The following RNGTT variants were observed in gnomAD, a reference collection of about 807,000 sequenced individuals.
The protein encoded by RNGTT is RNA guanylyltransferase and 5'-phosphatase.
In RNGTT, 33 loss-of-function variants were observed where a neutral mutation model predicts 79.3. That is an observed-to-expected ratio of 0.42 (90% CI 0.32 to 0.56). The LOEUF (loss-of-function observed/expected upper bound fraction) is 0.56, where lower values mean the gene tolerates loss of function less well. RNGTT is among the 20% of genes least tolerant of loss of function. RNGTT has a pLI of 0.17. For missense variants in RNGTT, 497 were observed against 739.1 expected (o/e 0.67, Z 3.80); for synonymous variants, 222 against 235.9 (o/e 0.94, Z 0.54).
At chr6:88,885,697 T>A (rs1782833753) in intron 8 of RNGTT, among the ~76,000 whole-genome samples, 2 of 152,192 alleles carry the variant, frequency 1.3e-5, no homozygotes, top group South Asian at 4.1e-4. Context: ...GAAAAATAAC[T>A]TTATCATGGC....
intron 13 of RNGTT, among the ~76,000 whole-genome samples, chr6:88,688,405 C>G (rs1191791752): frequency 6.6e-6 from 1 of 152,102 alleles, no homozygotes; most frequent in Admixed American, 6.6e-5. Context: ...TGATACATTC[C>G]TAGCTCTGTC....
chr6:88,835,500 C>T (rs1435988874), intron 11 of RNGTT, among the ~76,000 whole-genome samples: 5 of 151,978 alleles, frequency 3.3e-5, no homozygotes, highest in African/African-American at 1.2e-4. Context: ...GAAAAATAGG[C>T]AATTAGACAA....
intron 2 of RNGTT, among the ~76,000 whole-genome samples, chr6:88,932,461 G>A (rs931800209): frequency 2.0e-5 from 3 of 151,954 alleles, no homozygotes; most frequent in South Asian, 2.1e-4. Context: ...CACCCTATTC[G>A]TACACTCCCT....
chr6:88,678,270 T>C (rs146368010), intron 14 of RNGTT, 83 bp downstream of exon 14: 26 of 1,537,658 alleles, frequency 1.7e-5, no homozygotes, highest in Middle Eastern at 1.7e-4. Context: ...TATTTTTATA[T>C]GTTGATTATT....
intron 14 of RNGTT, among the ~76,000 whole-genome samples, chr6:88,639,097 G>C (rs1032045644): frequency 6.6e-6 from 1 of 152,040 alleles, no homozygotes; most frequent in Admixed American, 6.5e-5. Flanking sequence ...TATTAGAACA[G>C]ACATTTGGTA....
intron 14 of RNGTT, among the ~76,000 whole-genome samples, chr6:88,669,169 A>G (rs1774532058): frequency 6.6e-6 from 1 of 152,120 alleles, no homozygotes; most frequent in Non-Finnish European, 1.5e-5. Flanking sequence ...CCAAGGGGAG[A>G]TCCACAAGCG....
At chr6:88,678,487 A>C in intron 13 of RNGTT, 68 bp from the exon 14 acceptor site, 8 of 977,426 alleles carry the variant, frequency 8.2e-6, no homozygotes, top group Non-Finnish European at 1.1e-5. Context: ...TAATTATCAA[A>C]ATTTGAATAA....
chr6:88,906,608 A>T (rs575206567), intron 4 of RNGTT, among the ~76,000 whole-genome samples, 168 bp from the exon 5 acceptor site: 1 of 152,342 alleles, frequency 6.6e-6, no homozygotes, highest in South Asian at 2.1e-4. Flanking sequence ...TGTCAGTTTG[A>T]ATTGCTTAGA....
At chr6:88,667,980 C>T (rs561650526) in intron 14 of RNGTT, among the ~76,000 whole-genome samples, 1 of 152,286 alleles carries the variant, frequency 6.6e-6, no homozygotes, top group African/African-American at 2.4e-5. Context: ...CATAGACCCC[C>T]TCCCATATTA....
chr6:88,844,305 G>A, intron 11 of RNGTT, 52 bp downstream of exon 11: 1 of 1,501,196 alleles, frequency 6.7e-7, no homozygotes, highest in Non-Finnish European at 9.1e-7. Flanking sequence ...CATCTTGTAA[G>A]CTGAATTATG....
chr6:88,655,990 G>A (rs999257492), intron 14 of RNGTT, among the ~76,000 whole-genome samples: 3 of 152,144 alleles, frequency 2.0e-5, no homozygotes, highest in Non-Finnish European at 4.4e-5. Context: ...AAACAACACA[G>A]AGTAACTGGT....
chr6:88,716,000 A>C (rs1226586779), intron 13 of RNGTT, among the ~76,000 whole-genome samples: 1 of 151,968 alleles, frequency 6.6e-6, no homozygotes, highest in East Asian at 1.9e-4. Flanking sequence ...TCTGCACGGC[A>C]AAAGAAACTA....
intron 8 of RNGTT, among the ~76,000 whole-genome samples, chr6:88,873,712 C>A (rs1216034861): frequency 6.6e-6 from 1 of 152,020 alleles, no homozygotes; most frequent in Admixed American, 6.5e-5. Flanking sequence ...ACAATGAATA[C>A]AAATGACTTT....
At chr6:88,630,092 G>A (rs759525654) in intron 14 of RNGTT, among the ~76,000 whole-genome samples, 9 of 152,092 alleles carry the variant, frequency 5.9e-5, no homozygotes, top group African/African-American at 7.2e-5. Context: ...TAGACTGTTG[G>A]GCCAGTAGCA....
chr6:88,756,727 T>C (rs1189564191), intron 13 of RNGTT, among the ~76,000 whole-genome samples: 7 of 152,168 alleles, frequency 4.6e-5, no homozygotes, highest in Non-Finnish European at 8.8e-5. Flanking sequence ...AATTACATTC[T>C]TAATAGATAA....
intron 8 of RNGTT, among the ~76,000 whole-genome samples, chr6:88,861,814 A>T (rs1282109877): frequency 6.6e-6 from 1 of 152,158 alleles, no homozygotes; most frequent in East Asian, 1.9e-4. Context: ...CAAAGTTTTT[A>T]AATTATTCAA....
chr6:88,727,521 G>T (rs957568247), intron 13 of RNGTT, among the ~76,000 whole-genome samples: 1 of 152,138 alleles, frequency 6.6e-6, no homozygotes, highest in Non-Finnish European at 1.5e-5. Context: ...AAGGTTAAAA[G>T]GAGTCTATAA....
chr6:88,872,106 C>T (rs1384224980), intron 8 of RNGTT, among the ~76,000 whole-genome samples: 1 of 152,186 alleles, frequency 6.6e-6, no homozygotes, highest in East Asian at 1.9e-4. Flanking sequence ...GGAATACTAA[C>T]TTCAACCATC....
chr6:88,742,081 C>T (rs775790366), intron 13 of RNGTT, among the ~76,000 whole-genome samples: 1 of 152,146 alleles, frequency 6.6e-6, no homozygotes, highest in Non-Finnish European at 1.5e-5. Context: ...GATGACACTG[C>T]ACTGTAAAAA....
Sources: gnomAD v4.1 joint callset for allele counts (sites outside exome capture counted in the v4.1 genomes callset) on GRCh38, gnomAD v4.1.1 for gene constraint, MANE v1.5 for transcripts, NCBI Gene and HGNC (gene_info 2026-07-23, HGNC 2026-07-21) for gene names.